LATS2: variants seen among roughly 807,000 people sequenced by gnomAD.
LATS2 encodes serine/threonine-protein kinase LATS2.
Under a neutral mutation model 76.0 loss-of-function variants are expected in LATS2, and 24 were observed. The ratio of observed to expected loss-of-function variants is 0.32; its 90% CI spans 0.23 to 0.44. The LOEUF is 0.44. Ranked by LOEUF, LATS2 falls within the 20% of genes least tolerant of loss-of-function variation. LATS2 has a pLI of 1.00. For missense variants in LATS2, 1,286 were observed against 1,481.2 expected, an observed-to-expected ratio of 0.87 and a Z score of 2.16; for synonymous variants, 692 against 635.4, an observed-to-expected ratio of 1.09 and a Z score of -1.34.
chr13:21,023,746 C>G (rs942752764), intron 2 of LATS2, among the ~76,000 whole-genome samples: 2 of 148,398 alleles, frequency 1.3e-5, no homozygotes, highest in African/African-American at 5.0e-5. Context: ...GGCTGAGCCG[C>G]GTGGATCACC....
At chr13:21,058,747 C>T (rs1873529307) in intron 1 of LATS2, among the ~76,000 whole-genome samples, 1 of 152,128 alleles carries the variant, frequency 6.6e-6, no homozygotes, top group South Asian at 2.1e-4. Context: ...TAAATGTTCA[C>T]CAACTTATAT....
At chr13:21,050,165 T>TACATACATACATACATACATACATACAG in intron 1 of LATS2, among the ~76,000 whole-genome samples, 1 of 150,178 alleles carries the variant, frequency 6.7e-6, no homozygotes, top group African/African-American at 2.4e-5. Context: ...CATACATACA[T>TACATACATACATACATACATACATACAG]ACATACATAG....
At chr13:21,009,938 G>A (rs908517921) in intron 2 of LATS2, among the ~76,000 whole-genome samples, 1 of 152,204 alleles carries the variant, frequency 6.6e-6, no homozygotes, top group Non-Finnish European at 1.5e-5. Context: ...GGTGGCTCAT[G>A]CCTGTAATCC....
Position 20,988,080 on chromosome 13 carries a change from C to T in LATS2, c.1700G>A (p.Gly567Glu). Residue 567 changes from glycine to glutamate, a missense_variant, in exon 4 of 8, where the codon GGA (glycine) becomes GAA (glutamate). By Grantham distance (98) the Gly-to-Glu change is moderately conservative. Transcript: ENST00000382592. ...GGTCTGAATCTGCTTTTTATCCTTT[C>T]CGCCTTTGTCCCCCTTGGCGCTTTT... is the stretch of plus-strand genomic sequence containing the variant. ...SRKSAKGDKG[G>E]KDKKQIQTSP... The T allele has an allele frequency of 6.2e-7, 1 of 1,614,268 alleles. No homozygotes were observed.
chr13:20,980,254 A>C (rs9509475), intron 6 of LATS2, among the ~76,000 whole-genome samples: 133,514 of 152,124 alleles, frequency 0.88, 59,294 homozygotes, highest in Non-Finnish European at 0.95. Context: ...GGCAAAACCC[A>C]CCGGACAATT....
At chr13:21,016,156 A>G (rs944212418) in intron 2 of LATS2, among the ~76,000 whole-genome samples, 2 of 140,198 alleles carry the variant, frequency 1.4e-5, no homozygotes, top group African/African-American at 5.5e-5. Context: ...TGCCCAGCTA[A>G]TTTTTATTTT....
intron 7 of LATS2, among the ~76,000 whole-genome samples, chr13:20,975,857 T>C (rs1265897708): frequency 6.6e-6 from 1 of 152,154 alleles, no homozygotes; most frequent in African/African-American, 2.4e-5. Context: ...CTGATTTTTG[T>C]ATTTTTAGTA....
At chr13:21,057,610 G>A (rs549369727) in intron 1 of LATS2, among the ~76,000 whole-genome samples, 19 of 152,010 alleles carry the variant, frequency 1.2e-4, no homozygotes, top group Admixed American at 2.6e-4. Flanking sequence ...TGGCTACTAC[G>A]GTGAAACCCC....
Position 20,975,020 on chromosome 13 carries a change from T to C in LATS2, c.3117A>G (p.Glu1039=), listed in dbSNP as rs1241320021. 1.9e-6 allele frequency: 3 copies of C among 1,614,220 alleles called. No individual in the cohort carries two copies. Among genetic ancestry groups the C allele is most frequent in the Admixed American group, 1.7e-5 (1 of 60,024 alleles). ...NNKHPEHAFY[E]FTFRRFFDDN... The stretch of plus-strand genomic sequence containing the variant: ...CATCAAAGAACCTTCGGAAGGTGAA[T>C]TCGTAAAATGCGTGCTCAGGATGCT... Residue 1039 remains glutamate (E), a synonymous_variant, in exon 8 of 8, where the codon GAA becomes GAG. Coordinates refer to ENST00000382592, the MANE Select transcript of LATS2 (RefSeq NM_014572.3).
chr13:21,058,600 T>G (rs1347950805), intron 1 of LATS2, among the ~76,000 whole-genome samples: 1 of 152,228 alleles, frequency 6.6e-6, no homozygotes, highest in African/African-American at 2.4e-5. Context: ...TTAAACTATT[T>G]CAAACTCGAT....
chr13:20,975,255 C>G lies in LATS2; in HGVS notation c.2882G>C (p.Arg961Pro). The change falls in exon 8 of 8, where the codon CGG (arginine) becomes CCG (proline). Residue 961 changes from arginine (R) to proline (P), a missense_variant. Coordinates refer to ENST00000382592, the MANE Select transcript of LATS2 (RefSeq NM_014572.3). Reference protein sequence around the residue: ...LCCSADHRLGRNGADDLKAHP... With the variant: ...LCCSADHRLGPNGADDLKAHP... ...GGCCTTCAGGTCATCGGCCCCATTCCGCCCCAGGCGGTGGTCTGCGGAGCA... is the reference window on the plus strand; with the variant it reads ...GGCCTTCAGGTCATCGGCCCCATTCGGCCCCAGGCGGTGGTCTGCGGAGCA... The G allele has an allele frequency of 6.2e-7, 1 of 1,614,174 alleles. No homozygotes were observed. Among genetic ancestry groups the G allele is most frequent in the Non-Finnish European group, 8.5e-7 (1 of 1,180,022 alleles).
intron 2 of LATS2, among the ~76,000 whole-genome samples, chr13:21,008,835 A>AC (rs1175515013): frequency 6.6e-6 from 1 of 152,078 alleles, no homozygotes; most frequent in Non-Finnish European, 1.5e-5. Context: ...TTCCACTTCC[A>AC]CCCCCTAGAT....
intron 1 of LATS2, among the ~76,000 whole-genome samples, chr13:21,052,018 T>C (rs1595259009): frequency 6.6e-6 from 1 of 151,994 alleles, no homozygotes; most frequent in Non-Finnish European, 1.5e-5. Context: ...TGGCTGGAGG[T>C]GGGAGGCCTG....
At chr13:20,995,521 C>T (rs947754268) in intron 2 of LATS2, among the ~76,000 whole-genome samples, 5 of 152,142 alleles carry the variant, frequency 3.3e-5, no homozygotes, top group African/African-American at 1.2e-4. Flanking sequence ...AGAAAGAGAT[C>T]AGCAGATATC....
In LATS2 at chr13:21,040,396, G is replaced by A. The variant is rs372397921; in HGVS notation, c.342+5289C>T. Among the ~76,000 whole-genome samples the A allele has an allele frequency of 5.5e-3, 821 of 147,962 alleles. 7 individuals are homozygous for A. The highest frequency in any genetic ancestry group is 0.021 in the African/African-American group (793 of 38,614). The stretch of plus-strand genomic sequence containing the variant: ...TGTCTCAAAAAAAAAAAAAAAGAAA[G>A]AAAAAGAAAAAGAAAGAAATGTCTT... On this transcript the variant is annotated intron_variant, in intron 2 of 7. Transcript: ENST00000382592.
chr13:20,979,718 T>C lies in LATS2; in HGVS notation c.2745A>G (p.Ala915=). The C allele has an allele frequency of 1.2e-6, 2 of 1,612,012 alleles. No individual in the cohort carries two copies. The highest frequency in any genetic ancestry group is 1.7e-6 in the Non-Finnish European group (2 of 1,178,378). ...EMLVGQPPFL[A]PTPTETQLKV... ...TCAGCTGGGTTTCTGTGGGAGTAGG[T>C]GCCAAAAAGGGCGGCTGCCCCACCA... Residue 915 remains alanine, a synonymous_variant, in exon 7 of 8, where the codon GCA becomes GCG. Transcript: ENST00000382592.
chr13:21,058,974 A>G (rs763873400), intron 1 of LATS2, among the ~76,000 whole-genome samples: 13 of 152,022 alleles, frequency 8.6e-5, no homozygotes, highest in Non-Finnish European at 1.5e-4. Flanking sequence ...AGCTTACCAA[A>G]AATATACAAC....
rs141993097 is a variant in LATS2, at chr13:20,985,836, G to A, written c.1900-2030C>T. ...TGAGACAGGTGGATCATCTGAGGTCGGAAGTTTGAGACCAGCCTGAACAAC... is the reference window on the plus strand; with the variant it reads ...TGAGACAGGTGGATCATCTGAGGTCAGAAGTTTGAGACCAGCCTGAACAAC... On this transcript the variant is annotated intron_variant, in intron 4 of 7. Transcript: ENST00000382592. 1.6e-3 allele frequency among the ~76,000 whole-genome samples: 237 copies of A among 151,334 alleles called. 2 individuals are homozygous for A. The highest frequency in any genetic ancestry group is 4.0e-3 in the African/African-American group (165 of 41,216).
At chr13:21,055,983 T>C (rs887379967) in intron 1 of LATS2, among the ~76,000 whole-genome samples, 3 of 152,236 alleles carry the variant, frequency 2.0e-5, no homozygotes, top group African/African-American at 7.2e-5. Context: ...AGGCAGTGAT[T>C]GCATTCCTCT....
Sources: allele counts gnomAD v4.1 joint callset (sites outside exome capture counted in the v4.1 genomes callset), GRCh38; gene constraint gnomAD v4.1.1; transcripts MANE v1.5; gene names NCBI Gene and HGNC (gene_info 2026-07-23, HGNC 2026-07-21).